Variants in CDH12 observed in about 807,000 individuals in gnomAD.
CDH12 encodes the protein cadherin-12.
A neutral mutation model predicts 74.1 loss-of-function variants in CDH12; 41 were observed. That is an observed-to-expected ratio of 0.55 (90% CI 0.43 to 0.72). CDH12 has a LOEUF of 0.72. CDH12 is among the 30% of genes least tolerant of loss of function. CDH12 has a pLI of 0.00. For synonymous variants in CDH12, 399 were observed against 355.0 expected, an observed-to-expected ratio of 1.12 and a Z score of -1.39; for missense variants, 945 against 977.2, an observed-to-expected ratio of 0.97 and a Z score of 0.44.
rs111345082 is a variant in CDH12, at chr5:22,423,057, G to T, written c.-427-17706C>A. Among the ~76,000 whole-genome samples the T allele has an allele frequency of 1.0e-2, 1,516 of 152,162 alleles. 29 individuals are homozygous for T. The highest frequency in any genetic ancestry group is 0.035 in the African/African-American group (1,444 of 41,492). On this transcript the variant is annotated intron_variant, in intron 2 of 14. Coordinates refer to ENST00000382254, the MANE Select transcript of CDH12 (RefSeq NM_004061.5). Reference sequence around the variant, plus strand: ...GAGGGTTGAAATTTAATAATTGTGTGATTTCAACAAGGACAAAGTAAAACT... The same window carrying T: ...GAGGGTTGAAATTTAATAATTGTGTTATTTCAACAAGGACAAAGTAAAACT...
chr5:22,560,594 TTTAAATATTTGCAATATTTAAAA>T, intron 1 of CDH12, among the ~76,000 whole-genome samples: 1 of 152,202 alleles, frequency 6.6e-6, no homozygotes, highest in East Asian at 1.9e-4. Flanking sequence ...TATTTAAATT[TTTAAATATTTGCAATATTTAAAA>T]TTTTACAAAA....
chr5:21,978,328 A>C (rs1001513917), intron 5 of CDH12, among the ~76,000 whole-genome samples: 4 of 152,114 alleles, frequency 2.6e-5, no homozygotes, highest in Non-Finnish European at 5.9e-5. Flanking sequence ...GTTTTGATAG[A>C]GACAGGGTTT....
chr5:22,483,748 C>CTATATATATATA (rs573933210), intron 2 of CDH12, among the ~76,000 whole-genome samples: 834 of 22,780 alleles, frequency 0.037, 247 homozygotes, highest in East Asian at 0.1. Context: ...TCTTTCAAAA[C>CTATATATATATA]TATATATATA....
chr5:21,864,896 G>C (rs1388834479), intron 6 of CDH12, among the ~76,000 whole-genome samples: 1 of 152,304 alleles, frequency 6.6e-6, no homozygotes, highest in East Asian at 1.9e-4. Context: ...TTGTTCTTAT[G>C]CAGTCTGAGA....
intron 4 of CDH12, among the ~76,000 whole-genome samples, chr5:22,116,015 T>G (rs1215437795): frequency 6.6e-6 from 1 of 152,160 alleles, no homozygotes; most frequent in African/African-American, 2.4e-5. Context: ...TATCTCCTCA[T>G]GTCATATTCA....
chr5:21,802,792 A>G (rs1174365765), intron 9 of CDH12, among the ~76,000 whole-genome samples: 2 of 151,832 alleles, frequency 1.3e-5, no homozygotes, highest in African/African-American at 2.4e-5. Context: ...GGGTTTCAAC[A>G]TGTTGGCCAG....
chr5:21,992,570 C>T (rs989474107), intron 5 of CDH12, among the ~76,000 whole-genome samples: 3 of 151,904 alleles, frequency 2.0e-5, no homozygotes, highest in East Asian at 1.9e-4. Context: ...CATACGTGTT[C>T]GTAGAACATT....
intron 1 of CDH12, among the ~76,000 whole-genome samples, chr5:22,713,421 A>G (rs1193658135): frequency 2.6e-5 from 4 of 151,880 alleles, no homozygotes; most frequent in Non-Finnish European, 4.4e-5. Flanking sequence ...GATTACAGGC[A>G]TGAGCCACCG....
intron 6 of CDH12, among the ~76,000 whole-genome samples, chr5:21,895,968 G>C (rs1753105934): frequency 6.6e-6 from 1 of 152,160 alleles, no homozygotes; most frequent in South Asian, 2.1e-4. Context: ...GATAACAATG[G>C]ACCAGGCAGA....
intron 4 of CDH12, among the ~76,000 whole-genome samples, chr5:22,182,081 T>C (rs1381360051): frequency 6.6e-6 from 1 of 152,104 alleles, no homozygotes; most frequent in Non-Finnish European, 1.5e-5. Flanking sequence ...TTTCTTTGAA[T>C]TTAGAATAAA....
intron 4 of CDH12, chr5:22,143,159 A>G (rs912629351): frequency 2.6e-5 from 4 of 152,456 alleles, no homozygotes; most frequent in African/African-American, 9.7e-5. Context: ...CTAACCTTAC[A>G]TACACTCTAG....
At chr5:22,085,501 G>C (rs1743005819) in intron 4 of CDH12, among the ~76,000 whole-genome samples, 1 of 152,040 alleles carries the variant, frequency 6.6e-6, no homozygotes, top group Admixed American at 6.6e-5. Context: ...ACTCTTTAAT[G>C]GTGACTATGC....
intron 3 of CDH12, among the ~76,000 whole-genome samples, chr5:22,293,415 T>TA (rs774705510): frequency 1.8e-4 from 28 of 151,996 alleles, no homozygotes; most frequent in African/African-American, 2.7e-4. Flanking sequence ...TTCCAACACT[T>TA]AAAAAAAATT....
In CDH12 at chr5:22,078,732, T is replaced by C; in HGVS notation, c.-56A>G. 1 of 1,587,440 alleles carries C rather than the reference T, an allele frequency of 6.3e-7. No homozygotes were observed. The highest frequency in any genetic ancestry group is 2.3e-5 in the East Asian group (1 of 44,366). On this transcript the variant is annotated 5_prime_UTR_variant, in exon 5 of 15. Coordinates refer to ENST00000382254, the MANE Select transcript of CDH12 (RefSeq NM_004061.5). ...AAAACTCCAACACTTAACGTAGAATTGTGGAATCCAGGTTTGAGGTGTCTG... is the reference window on the plus strand; with the variant it reads ...AAAACTCCAACACTTAACGTAGAATCGTGGAATCCAGGTTTGAGGTGTCTG...
At chr5:22,684,083 C>G (rs1232602847) in intron 1 of CDH12, among the ~76,000 whole-genome samples, 3 of 152,172 alleles carry the variant, frequency 2.0e-5, no homozygotes, top group African/African-American at 7.2e-5. Context: ...CTCCCATGAT[C>G]CAGAGATCTT....
rs76078572 is a variant in CDH12, at chr5:21,924,448, G to A, written c.526+50643C>T. ...GGAGAATCGCCTCCACTCAGGAGGC[G>A]GAGGTTGCAGTGAACTGAGATTGTG... On this transcript the variant is annotated intron_variant, in intron 6 of 14. Transcript: ENST00000382254. Among the ~76,000 whole-genome samples the A allele has an allele frequency of 3.3e-3, 502 of 152,202 alleles. 20 individuals carry two copies. In the East Asian group the frequency reaches 0.087, roughly 26 times the overall value.
At chr5:22,600,433 T>A (rs948255134) in intron 1 of CDH12, among the ~76,000 whole-genome samples, 1 of 152,144 alleles carries the variant, frequency 6.6e-6, no homozygotes, top group African/African-American at 2.4e-5. Context: ...AGTATATGTG[T>A]ATTTATTACA....
chr5:21,839,982 A>C (rs976264107), intron 8 of CDH12, among the ~76,000 whole-genome samples: 5 of 152,204 alleles, frequency 3.3e-5, no homozygotes, highest in African/African-American at 4.8e-5. Flanking sequence ...AGAGTTATAG[A>C]GAAGACATAG....
At chr5:22,693,529 A>G (rs1310367195) in intron 1 of CDH12, among the ~76,000 whole-genome samples, 2 of 152,184 alleles carry the variant, frequency 1.3e-5, no homozygotes, top group Non-Finnish European at 2.9e-5. Context: ...TTCTTTTAAA[A>G]ATAACAATGA....
Sources: gnomAD v4.1 joint callset for allele counts (sites outside exome capture counted in the v4.1 genomes callset) on GRCh38, gnomAD v4.1.1 for gene constraint, MANE v1.5 for transcripts, NCBI Gene and HGNC (gene_info 2026-07-23, HGNC 2026-07-21) for gene names.